The following HSF5 variants were observed in gnomAD, a reference collection of about 807,000 sequenced individuals.
HSF5 encodes heat shock transcription factor 5.
Under a neutral mutation model 50.8 loss-of-function variants are expected in HSF5, and 5 were observed. That is an observed-to-expected ratio of 0.10 (90% CI 0.05 to 0.21). HSF5 has a LOEUF of 0.21. Ranked by LOEUF, HSF5 falls within the 10% of genes least tolerant of loss-of-function variation. HSF5 has a pLI of 1.00. For synonymous variants in HSF5, 307 were observed against 307.4 expected (o/e 1.00, Z 0.02); for missense variants, 564 against 762.6 (o/e 0.74, Z 3.07).
intron 5 of HSF5, among the ~76,000 whole-genome samples, chr17:58,440,993 A>T (rs1974492042): frequency 6.6e-6 from 1 of 152,200 alleles, no homozygotes; most frequent in South Asian, 2.1e-4. Context: ...TGAACAACAT[A>T]ATCAACACTT....
At chr17:58,482,611 G>A (rs187341211) in intron 1 of HSF5, among the ~76,000 whole-genome samples, 6 of 148,820 alleles carry the variant, frequency 4.0e-5, no homozygotes, top group Non-Finnish European at 7.4e-5. Context: ...TCAGGAGGCT[G>A]AGGAAGGAGA....
chr17:58,461,922 C>G (rs146851490), intron 4 of HSF5, among the ~76,000 whole-genome samples: 1 of 152,032 alleles, frequency 6.6e-6, no homozygotes, highest in African/African-American at 2.4e-5. Flanking sequence ...TTTTAAGAGG[C>G]ACAGGTACAG....
At chr17:58,476,942 G>C (rs1975019860) in intron 2 of HSF5, 6 of 732,924 alleles carry the variant, frequency 8.2e-6, no homozygotes, top group Non-Finnish European at 1.4e-5. Flanking sequence ...TTTGGCAGCG[G>C]ACGCCCATGT....
intron 5 of HSF5, among the ~76,000 whole-genome samples, chr17:58,424,489 G>T (rs565396377): frequency 6.6e-6 from 1 of 152,184 alleles, no homozygotes; most frequent in East Asian, 1.9e-4. Flanking sequence ...GCAGGCGCCT[G>T]TAGTCCCAGC....
At chr17:58,450,016 C>T (rs1182044500) in intron 5 of HSF5, among the ~76,000 whole-genome samples, 34 of 109,404 alleles carry the variant, frequency 3.1e-4, no homozygotes, top group Middle Eastern at 0.013. Context: ...GAGCGAGACT[C>T]CGTCTCAAAA....
rs562939335 is a variant in HSF5, at chr17:58,488,131, G to A, written c.144C>T (p.Ala48=). ...CCGGCCCGGGCGGGCTGAGCAGCTCGGCCTCGAAGAGCGGCTGATCGATAA... is the reference window on the plus strand; with the variant it reads ...CCGGCCCGGGCGGGCTGAGCAGCTCAGCCTCGAAGAGCGGCTGATCGATAA... ...GLLIDQPLFE[A]ELLSPPGPGG... is the part of the protein sequence containing the mutation. The change falls in exon 1 of 6, where the codon GCC becomes GCT. Residue 48 remains alanine, a synonymous_variant. Transcript: ENST00000323777. This position sits in a 1 kb window ranked among gnomAD's most constrained non-coding sequence, Gnocchi z 4.1. The A allele has an allele frequency of 2.8e-5, 44 of 1,560,860 alleles. No individual in the cohort carries two copies. In the African/African-American group the frequency reaches 5.9e-4, roughly 21 times the overall value.
intron 5 of HSF5, among the ~76,000 whole-genome samples, chr17:58,423,670 G>A (rs1419376678): frequency 6.6e-6 from 1 of 151,902 alleles, no homozygotes; most frequent in Non-Finnish European, 1.5e-5. Flanking sequence ...TAGTAGAGAT[G>A]GGGTTTCACT....
chr17:58,470,959 T>C (rs939852428), intron 2 of HSF5, among the ~76,000 whole-genome samples: 2 of 152,134 alleles, frequency 1.3e-5, no homozygotes, highest in Non-Finnish European at 2.9e-5. Context: ...ATATTAAATA[T>C]ATTATTCCAC....
chr17:58,457,844 T>C (rs1368839618), intron 5 of HSF5, among the ~76,000 whole-genome samples: 4 of 152,182 alleles, frequency 2.6e-5, no homozygotes, highest in African/African-American at 7.2e-5. Flanking sequence ...GATTGGAAAA[T>C]ATAATCAACT....
chr17:58,463,028 A>G lies in HSF5; in HGVS notation c.1296T>C (p.Leu432=). 1.2e-6 allele frequency: 2 copies of G among 1,614,242 alleles called. No individual in the cohort carries two copies. The highest frequency in any genetic ancestry group is 1.7e-6 in the Non-Finnish European group (2 of 1,180,038). Residue 432 remains leucine, a synonymous_variant, in exon 4 of 6, where the codon CTT becomes CTC. Coordinates refer to ENST00000323777, the MANE Select transcript of HSF5 (RefSeq NM_001080439.3). ...SASQASQLEP[L]TPVGSDIMSF... is the part of the protein sequence containing the mutation. ...ACATAATATCTGAGCCTACAGGAGTAAGTGGCTCCAGCTGGCTAGCCTGAC... is the reference window on the plus strand; with the variant it reads ...ACATAATATCTGAGCCTACAGGAGTGAGTGGCTCCAGCTGGCTAGCCTGAC...
In HSF5 at chr17:58,458,875, A is replaced by C; in HGVS notation, c.1613T>G (p.Leu538Arg). 6.2e-7 allele frequency: 1 copy of C among 1,614,126 alleles called. No individual in the cohort carries two copies. The highest frequency in any genetic ancestry group is 1.3e-5 in the African/African-American group (1 of 75,054). Residue 538 changes from leucine (L) to arginine (R), a missense_variant, in exon 5 of 6, where the codon CTC becomes CGC. This residue lies in a region of HSF5 where 441 missense variants were observed against 533.6 expected (regional missense o/e 0.83). Coordinates refer to ENST00000323777, the MANE Select transcript of HSF5 (RefSeq NM_001080439.3). ...GCTAGCAGGCCCCATTTCTGAAATG[A>C]GGAATCCCATCTGTTCTGACGGCAA... Reference protein sequence around the residue: ...NILPSEQMGFLISEMGPASKP... With the variant: ...NILPSEQMGFRISEMGPASKP...
intron 5 of HSF5, among the ~76,000 whole-genome samples, chr17:58,455,536 A>G (rs574255880): frequency 2.6e-4 from 40 of 152,340 alleles, no homozygotes; most frequent in Admixed American, 2.5e-3. Flanking sequence ...ATGAAGAGAC[A>G]ACCTACATAA....
chr17:58,487,089 G>A (rs551734702), intron 1 of HSF5, among the ~76,000 whole-genome samples: 7 of 151,876 alleles, frequency 4.6e-5, no homozygotes, highest in Non-Finnish European at 8.8e-5. Context: ...TGTATTTTTA[G>A]TAGAGACGAG....
chr17:58,464,962 G>T (rs1435361230), intron 3 of HSF5, among the ~76,000 whole-genome samples: 2 of 150,032 alleles, frequency 1.3e-5, no homozygotes, highest in African/African-American at 2.5e-5. Flanking sequence ...TTGAGACAGG[G>T]TCTCACTGTG....
At chr17:58,458,477 T>A (rs1489720082) in intron 5 of HSF5, among the ~76,000 whole-genome samples, 1 of 152,250 alleles carries the variant, frequency 6.6e-6, no homozygotes, top group East Asian at 1.9e-4. Flanking sequence ...TCATCCTTCA[T>A]CCTTGCCTTC....
Position 58,463,294 on chromosome 17 carries a change from T to C in HSF5, c.1030A>G (p.Met344Val). The C allele has an allele frequency of 1.2e-6, 2 of 1,610,050 alleles. No homozygotes were observed. The highest frequency in any genetic ancestry group is 8.5e-7 in the Non-Finnish European group (1 of 1,177,372). ...AATTCAACTGGATAGGAGGACTGCATTGAAGGATTCTGGGAAAAGAAAAAA... is the reference window on the plus strand; with the variant it reads ...AATTCAACTGGATAGGAGGACTGCACTGAAGGATTCTGGGAAAAGAAAAAA... ...AHCNYFQNPS[M>V]QSSYPVEFLP... is the part of the protein sequence containing the mutation. The change falls in exon 4 of 6, where the codon ATG becomes GTG. Residue 344 changes from methionine to valine, a missense_variant. Coordinates refer to ENST00000323777, the MANE Select transcript of HSF5 (RefSeq NM_001080439.3).
chr17:58,479,115 GT>G (rs1454051266), intron 2 of HSF5, among the ~76,000 whole-genome samples: 1 of 151,850 alleles, frequency 6.6e-6, no homozygotes, highest in East Asian at 1.9e-4. Context: ...TGTTCACCAG[GT>G]TTTTACTAAA....
intron 1 of HSF5, among the ~76,000 whole-genome samples, chr17:58,480,782 T>TCTATCTATCTATCTATCTAC (rs1567919260): frequency 6.6e-6 from 1 of 151,716 alleles, no homozygotes; most frequent in Non-Finnish European, 1.5e-5. Flanking sequence ...TATCTATCTA[T>TCTATCTATCTATCTATCTAC]CTATCTATCT....
intron 1 of HSF5, 74 bp downstream of exon 1, chr17:58,487,651 C>A (rs1975205255): frequency 4.5e-6 from 6 of 1,343,138 alleles, no homozygotes; most frequent in Non-Finnish European, 5.7e-6. Flanking sequence ...TGCGAAAATG[C>A]GCCCTCCAGC....
Sources: gnomAD v4.1 joint callset for allele counts (sites outside exome capture counted in the v4.1 genomes callset) on GRCh38, gnomAD v4.1.1 for gene constraint, gnomAD v4.1.1 regional missense constraint, Gnocchi (gnomAD v3.1) non-coding constraint, MANE v1.5 for transcripts, NCBI Gene and HGNC (gene_info 2026-07-23, HGNC 2026-07-21) for gene names.